Variants in TRRAP observed in about 807,000 individuals in gnomAD.
The protein encoded by TRRAP is transformation/transcription domain-associated protein.
TRRAP carries 41 observed loss-of-function variants against 438.8 expected under a neutral mutation model. The observed-to-expected ratio is 0.09, with a 90% confidence interval of 0.07 to 0.12. The LOEUF is 0.12. Among genes scored for constraint, TRRAP ranks in the 10% least tolerant of loss-of-function variants. TRRAP has a pLI of 1.00. For synonymous variants in TRRAP, 1,994 were observed against 1,962.9 expected, an observed-to-expected ratio of 1.02 and a Z score of -0.42; for missense variants, 3,122 against 5,055.1, an observed-to-expected ratio of 0.62 and a Z score of 11.60.
chr7:98,986,781 G>A (rs1325628194), intron 62 of TRRAP, among the ~76,000 whole-genome samples: 1 of 152,066 alleles, frequency 6.6e-6, no homozygotes, highest in African/African-American at 2.4e-5. Flanking sequence ...CCTAATCCAG[G>A]ATCAGAAGCA....
chr7:98,981,035 G>A (rs1002788258), intron 58 of TRRAP, among the ~76,000 whole-genome samples: 2 of 152,274 alleles, frequency 1.3e-5, no homozygotes, highest in African/African-American at 4.8e-5. Context: ...GAACGACAGA[G>A]GGGGACCCTG....
At chr7:98,895,607 G>A (rs1298856478) in intron 6 of TRRAP, among the ~76,000 whole-genome samples, 157 bp from the exon 7 acceptor site, 1 of 151,844 alleles carries the variant, frequency 6.6e-6, no homozygotes, top group East Asian at 1.9e-4. Flanking sequence ...TTTTTTGTTT[G>A]TTTACATCCA....
rs1460210050 is a variant in TRRAP, at chr7:98,993,473, A to C, written c.9848-65A>C. 3 of 1,555,302 alleles carry C rather than the reference A, an allele frequency of 1.9e-6. No individual in the cohort carries two copies. In the Admixed American group the frequency reaches 5.2e-5, roughly 27 times the overall value. On this transcript the variant is annotated intron_variant, in intron 65 of 72. Coordinates refer to ENST00000456197, the MANE Select transcript of TRRAP (RefSeq NM_001375524.1). Reference sequence around the variant, plus strand: ...CGCTCCTTTGGCCCATGGGTCCTGCAGCGCTCCGAGCCCTGGCGTCTGTCG... The same window carrying C: ...CGCTCCTTTGGCCCATGGGTCCTGCCGCGCTCCGAGCCCTGGCGTCTGTCG...
chr7:98,959,889 C>T (rs1791801465), intron 45 of TRRAP, among the ~76,000 whole-genome samples: 2 of 149,498 alleles, frequency 1.3e-5, no homozygotes, highest in South Asian at 4.2e-4. Flanking sequence ...ATGATTGGTG[C>T]CACTGCACTA....
chr7:98,982,247 C>T (rs749789239), intron 59 of TRRAP, among the ~76,000 whole-genome samples: 59 of 152,292 alleles, frequency 3.9e-4, no homozygotes, highest in Non-Finnish European at 8.1e-4. Flanking sequence ...CCCTCAGTTA[C>T]AGAGTCCATC....
chr7:98,894,783 GTTTTTTTTTTT>G (rs56407045), intron 6 of TRRAP, among the ~76,000 whole-genome samples: 1 of 87,418 alleles, frequency 1.1e-5, no homozygotes, highest in African/African-American at 4.7e-5. Flanking sequence ...CCAGCTAATG[GTTTTTTTTTTT>G]TTTTTTTTTT....
intron 6 of TRRAP, among the ~76,000 whole-genome samples, chr7:98,894,414 C>T (rs891371385): frequency 4.6e-5 from 7 of 152,084 alleles, no homozygotes; most frequent in Admixed American, 1.3e-4. Context: ...ATAATTATAT[C>T]TTCTCTGGTG....
At chr7:98,930,428 A>G (rs976269351) in intron 24 of TRRAP, among the ~76,000 whole-genome samples, 1 of 152,170 alleles carries the variant, frequency 6.6e-6, no homozygotes, top group South Asian at 2.1e-4. Context: ...AATAAAAAAA[A>G]TTAGCCAGGC....
chr7:98,952,220 A>G (rs782253581), intron 39 of TRRAP, among the ~76,000 whole-genome samples: 9 of 152,242 alleles, frequency 5.9e-5, no homozygotes, highest in Non-Finnish European at 1.3e-4. Flanking sequence ...GATGCGTAGA[A>G]TATTCCTCAA....
At chr7:98,880,495 C>G (rs929213778) in intron 1 of TRRAP, among the ~76,000 whole-genome samples, 6 of 152,052 alleles carry the variant, frequency 3.9e-5, no homozygotes, top group African/African-American at 1.4e-4. Flanking sequence ...AACTCCTGAC[C>G]TCGTGATCTC....
intron 59 of TRRAP, among the ~76,000 whole-genome samples, chr7:98,982,704 C>T (rs539825372): frequency 6.6e-6 from 1 of 152,284 alleles, no homozygotes; most frequent in South Asian, 2.1e-4. Flanking sequence ...TTGGTGCCAA[C>T]AGCGCATCTG....
chr7:98,890,054 C>T (rs1352942857), intron 3 of TRRAP, among the ~76,000 whole-genome samples: 2 of 152,106 alleles, frequency 1.3e-5, no homozygotes, highest in African/African-American at 2.4e-5. Context: ...ATACTTAGAT[C>T]GTGGCAGAGA....
chr7:98,937,503 T>C, intron 29 of TRRAP, 147 bp from the exon 30 acceptor site: 6 of 1,102,580 alleles, frequency 5.4e-6, no homozygotes, highest in Non-Finnish European at 7.4e-6. Context: ...CATCATTTCG[T>C]CATAAATTTC....
intron 43 of TRRAP, among the ~76,000 whole-genome samples, chr7:98,957,403 A>G (rs1186499408): frequency 6.6e-6 from 1 of 152,214 alleles, no homozygotes; most frequent in Non-Finnish European, 1.5e-5. Context: ...AGACCTCTAC[A>G]GTGTTTTTGT....
At chr7:98,995,036 G>T (rs1167206072) in intron 67 of TRRAP, among the ~76,000 whole-genome samples, 188 bp downstream of exon 67, 1 of 152,230 alleles carries the variant, frequency 6.6e-6, no homozygotes, top group Non-Finnish European at 1.5e-5. Flanking sequence ...CCAGGGAGGG[G>T]TCAAGGTTTG....
chr7:98,899,515 A>G lies in TRRAP; in HGVS notation c.711+16A>G. The G allele has an allele frequency of 6.2e-7, 1 of 1,613,892 alleles. No homozygotes were observed. The stretch of plus-strand genomic sequence containing the variant: ...AATGTATCAGGTATGTGTATTGCTC[A>G]TTAGTCTCTTGGGTTTTGGGCTTCT... On this transcript the variant is annotated intron_variant, in intron 9 of 72. Transcript: ENST00000456197.
intron 48 of TRRAP, among the ~76,000 whole-genome samples, 182 bp downstream of exon 48, chr7:98,964,957 A>ATTATTAAGC (rs1792084815): frequency 2.6e-5 from 4 of 152,344 alleles, no homozygotes; most frequent in Admixed American, 2.0e-4. Flanking sequence ...ATTGTTAAAA[A>ATTATTAAGC]TGGACTGTTA....
intron 60 of TRRAP, 111 bp downstream of exon 60, chr7:98,983,570 A>T: frequency 7.8e-7 from 1 of 1,281,844 alleles, no homozygotes; most frequent in Admixed American, 2.3e-5. Context: ...TTTTTCCCCC[A>T]GGTTTTCTAT....
chr7:98,948,799 A>G lies in TRRAP; in HGVS notation c.4788+114A>G, dbSNP rs1037275106. ...TCAGTGTCCTGGCTGCTTTTTTTTCAGATCCATTTGAATATTGGAAACAGC... is the reference window on the plus strand; with the variant it reads ...TCAGTGTCCTGGCTGCTTTTTTTTCGGATCCATTTGAATATTGGAAACAGC... On this transcript the variant is annotated intron_variant, in intron 35 of 72. Coordinates refer to ENST00000456197, the MANE Select transcript of TRRAP (RefSeq NM_001375524.1). This position sits in a 1 kb window ranked among gnomAD's most constrained non-coding sequence, Gnocchi z 4.9. The G allele has an allele frequency of 7.9e-5, 120 of 1,519,582 alleles. 2 individuals carry two copies. The South Asian group carries it at 1.2e-3, about 15-fold the overall frequency. 94.1% of individuals were successfully genotyped at this position (1,519,582 alleles called of 1,614,324 possible).
Sources: gnomAD v4.1 joint callset for allele counts (sites outside exome capture counted in the v4.1 genomes callset) on GRCh38, gnomAD v4.1.1 for gene constraint, Gnocchi (gnomAD v3.1) non-coding constraint, MANE v1.5 for transcripts, NCBI Gene and HGNC (gene_info 2026-07-23, HGNC 2026-07-21) for gene names.